Variants in GRM7 observed in about 807,000 individuals in gnomAD.
The protein encoded by GRM7 is metabotropic glutamate receptor 7.
Under a neutral mutation model 84.5 loss-of-function variants are expected in GRM7, and 35 were observed. That is an observed-to-expected ratio of 0.41 (90% CI 0.32 to 0.55). The LOEUF (loss-of-function observed/expected upper bound fraction) is 0.55. GRM7 is among the 20% of genes least tolerant of loss of function. The pLI, the probability that GRM7 is intolerant of heterozygous loss-of-function variation, is 0.19. For missense variants in GRM7, 1,003 were observed against 1,194.6 expected, an observed-to-expected ratio of 0.84 and a Z score of 2.36; for synonymous variants, 487 against 455.1, an observed-to-expected ratio of 1.07 and a Z score of -0.89.
chr3:7,445,465 A>G (rs1433386017), intron 5 of GRM7, among the ~76,000 whole-genome samples: 3 of 152,178 alleles, frequency 2.0e-5, no homozygotes, highest in Non-Finnish European at 4.4e-5. Context: ...TGGTGCACAG[A>G]AAGTTCGCAA....
rs898935438 is a variant in GRM7, at chr3:7,354,701, T to C, written c.1033+48049T>C. Among the ~76,000 whole-genome samples, 3 of 152,152 alleles carry C rather than the reference T, an allele frequency of 2.0e-5. No individual in the cohort carries two copies. In the South Asian group the frequency reaches 6.2e-4, roughly 31 times the overall value. ...GATCCTGAAGAATGGCAGTGAATTGTCAAAGCCTTACCACATGGCGACTCC... is the reference window on the plus strand; with the variant it reads ...GATCCTGAAGAATGGCAGTGAATTGCCAAAGCCTTACCACATGGCGACTCC... On this transcript the variant is annotated intron_variant, in intron 4 of 9. Transcript: ENST00000357716.
intron 1 of GRM7, among the ~76,000 whole-genome samples, chr3:7,064,491 CATATATATATACACATATAT>C (rs1697567746): frequency 2.9e-5 from 2 of 69,646 alleles, no homozygotes; most frequent in Non-Finnish European, 5.9e-5. Context: ...CACACATATA[CATATATATATACACATATAT>C]ATATATACAC....
chr3:7,394,702 T>C (rs1358674308), intron 4 of GRM7, among the ~76,000 whole-genome samples: 3 of 152,156 alleles, frequency 2.0e-5, no homozygotes, highest in Non-Finnish European at 4.4e-5. Flanking sequence ...TATTGTCTTA[T>C]TCATAGTATA....
chr3:7,304,117 A>T (rs554706409), intron 3 of GRM7, among the ~76,000 whole-genome samples: 1 of 152,234 alleles, frequency 6.6e-6, no homozygotes, highest in Non-Finnish European at 1.5e-5. Flanking sequence ...AGCTGTTGTG[A>T]CTAATGAGTT....
At chr3:7,243,754 A>G (rs1374011915) in intron 2 of GRM7, among the ~76,000 whole-genome samples, 2 of 152,116 alleles carry the variant, frequency 1.3e-5, no homozygotes, top group Non-Finnish European at 2.9e-5. Context: ...TGTGAGCATC[A>G]TACTATGTGC....
intron 2 of GRM7, among the ~76,000 whole-genome samples, chr3:7,232,713 T>C (rs577313395): frequency 5.3e-5 from 8 of 152,290 alleles, no homozygotes; most frequent in African/African-American, 1.9e-4. Context: ...ACTTATTGAT[T>C]CAATAGCCTG....
chr3:7,565,598 C>A (rs1694221444), intron 7 of GRM7, among the ~76,000 whole-genome samples: 2 of 152,162 alleles, frequency 1.3e-5, no homozygotes, highest in African/African-American at 2.4e-5. Flanking sequence ...GTGAAGCCAG[C>A]TGACGGATAT....
At chr3:6,974,923 G>A (rs1422768340) in intron 1 of GRM7, among the ~76,000 whole-genome samples, 1 of 152,166 alleles carries the variant, frequency 6.6e-6, no homozygotes, top group Non-Finnish European at 1.5e-5. Flanking sequence ...TGCTTTGGGG[G>A]CATATTGGGA....
At chr3:7,694,521 T>C (rs772960737) in intron 9 of GRM7, 33 of 208,456 alleles carry the variant, frequency 1.6e-4, no homozygotes, top group Non-Finnish European at 2.6e-4. Context: ...TCTTGAAATA[T>C]CAACACATCT....
intron 2 of GRM7, among the ~76,000 whole-genome samples, chr3:7,266,874 G>A (rs1187866322): frequency 6.6e-6 from 1 of 152,134 alleles, no homozygotes; most frequent in Non-Finnish European, 1.5e-5. Flanking sequence ...GTTTTACTCT[G>A]TATTTAAATG....
At chr3:7,396,089 CTT>C (rs1338077820) in intron 4 of GRM7, among the ~76,000 whole-genome samples, 2 of 152,138 alleles carry the variant, frequency 1.3e-5, no homozygotes, top group African/African-American at 4.8e-5. Context: ...TATATTCTCT[CTT>C]AATTCATGAT....
At chr3:7,271,150 C>T (rs1005933832) in intron 2 of GRM7, among the ~76,000 whole-genome samples, 3 of 152,180 alleles carry the variant, frequency 2.0e-5, no homozygotes, top group African/African-American at 7.2e-5. Flanking sequence ...AGAATAAAGG[C>T]TTCTGCAGTT....
intron 5 of GRM7, among the ~76,000 whole-genome samples, chr3:7,449,235 A>G (rs891021239): frequency 6.6e-6 from 1 of 152,134 alleles, no homozygotes; most frequent in African/African-American, 2.4e-5. Flanking sequence ...CCATACTTAT[A>G]ATAGCAAAAA....
chr3:7,336,822 G>A (rs1701439199), intron 4 of GRM7, among the ~76,000 whole-genome samples: 1 of 151,066 alleles, frequency 6.6e-6, no homozygotes, highest in Non-Finnish European at 1.5e-5. Context: ...TAATATTTGG[G>A]AATATGCCTA....
At chr3:7,057,948 G>A (rs1260426751) in intron 1 of GRM7, among the ~76,000 whole-genome samples, 4 of 151,902 alleles carry the variant, frequency 2.6e-5, no homozygotes, top group Non-Finnish European at 5.9e-5. Flanking sequence ...GTCATATTTT[G>A]TATAATATGT....
chr3:7,310,263 C>G (rs1465765821), intron 4 of GRM7, among the ~76,000 whole-genome samples: 3 of 147,106 alleles, frequency 2.0e-5, no homozygotes, highest in South Asian at 4.1e-4. Context: ...TGATGATTTT[C>G]AAATGGGACT....
intron 5 of GRM7, among the ~76,000 whole-genome samples, chr3:7,415,919 A>G (rs1696140475): frequency 6.6e-6 from 1 of 152,180 alleles, no homozygotes; most frequent in Admixed American, 6.6e-5. Flanking sequence ...ATGAGGGCAT[A>G]TAACTAAGGA....
Position 7,103,682 on chromosome 3 carries a change from T to C in GRM7, c.520-42770T>C, listed in dbSNP as rs541798777. Among the ~76,000 whole-genome samples the C allele has an allele frequency of 1.9e-4, 29 of 151,970 alleles. No individual in the cohort carries two copies. In the East Asian group the frequency reaches 5.4e-3, roughly 28 times the overall value. On this transcript the variant is annotated intron_variant, in intron 1 of 9. Coordinates refer to ENST00000357716, the MANE Select transcript of GRM7 (RefSeq NM_000844.4). ...CTAACATTTGATTGCATGACCTCTT[T>C]ACAGTGTTACTGTGTACTAATGCTT...
At chr3:6,876,599 A>AC (rs1553578205) in intron 1 of GRM7, among the ~76,000 whole-genome samples, 1 of 124,142 alleles carries the variant, frequency 8.1e-6, no homozygotes, top group Non-Finnish European at 1.6e-5. Flanking sequence ...TTTACCACTA[A>AC]TTTTTTTTTT....
Sources: gnomAD v4.1 joint callset for allele counts (sites outside exome capture counted in the v4.1 genomes callset) on GRCh38, gnomAD v4.1.1 for gene constraint, MANE v1.5 for transcripts, NCBI Gene and HGNC (gene_info 2026-07-23, HGNC 2026-07-21) for gene names.